Variants in EPB41L4A observed in about 807,000 individuals in gnomAD.
The protein encoded by EPB41L4A is band 4.1-like protein 4A.
Under a neutral mutation model 108.6 loss-of-function variants are expected in EPB41L4A, and 100 were observed. The ratio of observed to expected loss-of-function variants is 0.92; its 90% CI spans 0.78 to 1.09. EPB41L4A has a LOEUF of 1.09. Ranked by LOEUF, EPB41L4A falls within the 50% of genes least tolerant of loss-of-function variation. EPB41L4A has a pLI of 0.00. For synonymous variants in EPB41L4A, 319 were observed against 289.0 expected, an observed-to-expected ratio of 1.10 and a Z score of -1.05; for missense variants, 1,030 against 842.7, an observed-to-expected ratio of 1.22 and a Z score of -2.75.
intron 7 of EPB41L4A, among the ~76,000 whole-genome samples, chr5:112,260,292 T>C (rs947839143): frequency 6.6e-6 from 1 of 152,240 alleles, no homozygotes; most frequent in Non-Finnish European, 1.5e-5. Flanking sequence ...CCTAGCAACA[T>C]ATTAACTGGA....
chr5:112,196,695 G>C (rs1231186748), intron 15 of EPB41L4A: 1 of 152,224 alleles, frequency 6.6e-6, no homozygotes, highest in Non-Finnish European at 1.5e-5. Context: ...AACTATGCAA[G>C]TTTTCTGGAT....
intron 17 of EPB41L4A, among the ~76,000 whole-genome samples, chr5:112,187,971 A>T (rs1030083818): frequency 6.6e-6 from 1 of 152,232 alleles, no homozygotes; most frequent in African/African-American, 2.4e-5. Context: ...TTGTTCATAT[A>T]TAAAATTATG....
chr5:112,317,643 T>C (rs1755515521), intron 1 of EPB41L4A, among the ~76,000 whole-genome samples: 1 of 152,160 alleles, frequency 6.6e-6, no homozygotes, highest in African/African-American at 2.4e-5. Context: ...TCACAGGGCA[T>C]ATCACAACAG....
At chr5:112,291,621 C>T (rs1753649427) in intron 2 of EPB41L4A, among the ~76,000 whole-genome samples, 1 of 152,164 alleles carries the variant, frequency 6.6e-6, no homozygotes, top group African/African-American at 2.4e-5. Flanking sequence ...TGTGTTCATA[C>T]AGATCATGGG....
At chr5:112,254,587 C>G (rs1263761372) in intron 9 of EPB41L4A, among the ~76,000 whole-genome samples, 1 of 152,158 alleles carries the variant, frequency 6.6e-6, no homozygotes, top group Non-Finnish European at 1.5e-5. Context: ...AGGCCCTCCC[C>G]TAAGAAGAGT....
intron 1 of EPB41L4A, among the ~76,000 whole-genome samples, chr5:112,365,074 C>T (rs1175575402): frequency 5.9e-5 from 9 of 152,170 alleles, no homozygotes; most frequent in Non-Finnish European, 1.2e-4. Flanking sequence ...CTTAGTTCAG[C>T]TTCTGGCATA....
intron 12 of EPB41L4A, among the ~76,000 whole-genome samples, chr5:112,233,742 C>G (rs1265100222): frequency 6.6e-5 from 10 of 152,016 alleles, no homozygotes; most frequent in Non-Finnish European, 8.8e-5. Flanking sequence ...TTGTTTTTTT[C>G]AAGACTCTTG....
At chr5:112,171,134 T>C (rs1265844259) in intron 18 of EPB41L4A, 142 bp from the exon 19 acceptor site, 2 of 694,648 alleles carry the variant, frequency 2.9e-6, no homozygotes, top group East Asian at 2.7e-5. Context: ...GGGAGAGCCA[T>C]TGTGATGGTT....
chr5:112,394,023 T>C (rs945257852), intron 1 of EPB41L4A, among the ~76,000 whole-genome samples: 6 of 152,276 alleles, frequency 3.9e-5, no homozygotes, highest in African/African-American at 1.4e-4. Flanking sequence ...GAAAAGGCCT[T>C]TGACAAAATT....
chr5:112,304,717 C>T (rs1383999058), intron 2 of EPB41L4A, among the ~76,000 whole-genome samples: 1 of 152,150 alleles, frequency 6.6e-6, no homozygotes, highest in Admixed American at 6.6e-5. Flanking sequence ...CTAGTTTCAA[C>T]AGGAAAGGCC....
At chr5:112,255,425 C>T (rs1468333751) in intron 9 of EPB41L4A, among the ~76,000 whole-genome samples, 1 of 152,156 alleles carries the variant, frequency 6.6e-6, no homozygotes, top group African/African-American at 2.4e-5. Context: ...GGTACACATA[C>T]TTAACAGGGG....
Position 112,199,039 on chromosome 5 carries a change from C to T in EPB41L4A, c.1377-3331G>A, listed in dbSNP as rs1046923736. Among the ~76,000 whole-genome samples, 45 of 152,070 alleles carry T rather than the reference C, an allele frequency of 3.0e-4. 1 individual carries two copies. Among genetic ancestry groups the T allele is most frequent in the African/African-American group, 9.2e-4 (38 of 41,412 alleles). On this transcript the variant is annotated intron_variant, in intron 15 of 22. Coordinates refer to ENST00000261486, the MANE Select transcript of EPB41L4A (RefSeq NM_022140.5). ...AGTAAGTGTTAAAATGACTGGAGCC[C>T]TTTGGATGGTGCAGTGCACGTTAAT...
chr5:112,176,791 G>C (rs557866657), intron 18 of EPB41L4A, among the ~76,000 whole-genome samples: 1 of 104,220 alleles, frequency 9.6e-6, no homozygotes, highest in African/African-American at 3.8e-5. Flanking sequence ...TTTCACTCCT[G>C]TTGCCCAGGC....
chr5:112,257,060 C>A (rs1019437325), intron 9 of EPB41L4A: 25 of 152,116 alleles, frequency 1.6e-4, no homozygotes, highest in African/African-American at 5.8e-4. Flanking sequence ...GCATTTCAAC[C>A]ATTCTTCATG....
At chr5:112,146,811 G>T (rs1386676511) in intron 12 of EPB41L4A, among the ~76,000 whole-genome samples, 2 of 152,182 alleles carry the variant, frequency 1.3e-5, no homozygotes. Flanking sequence ...CATAGAGTCT[G>T]CAGTACAGGA....
At chr5:112,202,826 G>C (rs922264118) in intron 15 of EPB41L4A, among the ~76,000 whole-genome samples, 84 of 152,144 alleles carry the variant, frequency 5.5e-4, no homozygotes, top group African/African-American at 1.6e-3. Context: ...GTGAAAGAAG[G>C]GCTTGGCTTC....
intron 1 of EPB41L4A, among the ~76,000 whole-genome samples, chr5:112,381,748 A>C (rs532840658): frequency 2.0e-5 from 3 of 152,378 alleles, no homozygotes; most frequent in African/African-American, 7.2e-5. Context: ...CTGGGCTCCC[A>C]CAACCAGACA....
intron 1 of EPB41L4A, among the ~76,000 whole-genome samples, chr5:112,385,268 G>C (rs966831101): frequency 6.6e-6 from 1 of 152,018 alleles, no homozygotes; most frequent in Non-Finnish European, 1.5e-5. Context: ...TTGGGGACCC[G>C]GAAAGAAACA....
At position 112,372,560 on chromosome 5, in the gene EPB41L4A, G is replaced by A. The variant is rs563225471; in HGVS notation, c.99+46381C>T. Among the ~76,000 whole-genome samples, 7 of 152,324 alleles carry A rather than the reference G, an allele frequency of 4.6e-5. No homozygotes were observed. In the East Asian group the frequency reaches 1.4e-3, roughly 29 times the overall value. ...CAGACACAGGTACAAAGACCTGAAG[G>A]CAGGAAAGTATAGGATACATTTCAG... On this transcript the variant is annotated intron_variant, in intron 1 of 22. Transcript: ENST00000261486.
Sources: gnomAD v4.1 joint callset for allele counts (sites outside exome capture counted in the v4.1 genomes callset) on GRCh38, gnomAD v4.1.1 for gene constraint, MANE v1.5 for transcripts, NCBI Gene and HGNC (gene_info 2026-07-23, HGNC 2026-07-21) for gene names.